SHISA5: variants seen among roughly 807,000 people sequenced by gnomAD.
The protein encoded by SHISA5 is protein shisa-5.
A neutral mutation model predicts 27.5 loss-of-function variants in SHISA5; 21 were observed. The ratio of observed to expected loss-of-function variants is 0.76; its 90% CI spans 0.54 to 1.10. The LOEUF (loss-of-function observed/expected upper bound fraction) is 1.10, where lower values mean the gene tolerates loss of function less well. Among genes scored for constraint, SHISA5 ranks in the 50% least tolerant of loss-of-function variants. SHISA5 has a pLI of 0.00. For synonymous variants in SHISA5, 137 were observed against 142.2 expected, an observed-to-expected ratio of 0.96 and a Z score of 0.26; for missense variants, 314 against 336.3, an observed-to-expected ratio of 0.93 and a Z score of 0.52.
At chr3:48,501,319 A>C (rs1575335567) in intron 1 of SHISA5, 26 bp from the exon 2 acceptor site, 1 of 1,607,568 alleles carries the variant, frequency 6.2e-7, no homozygotes, top group Non-Finnish European at 8.5e-7. Flanking sequence ...ACATCTGTTC[A>C]CCTGTGCCCA....
At chr3:48,472,250 G>T (rs2040656447) in intron 3 of SHISA5, among the ~76,000 whole-genome samples, 1 of 152,144 alleles carries the variant, frequency 6.6e-6, no homozygotes, top group Non-Finnish European at 1.5e-5. Flanking sequence ...CACTTTGGGA[G>T]GCCGAGGCAG....
intron 2 of SHISA5, among the ~76,000 whole-genome samples, chr3:48,498,532 A>G (rs1165622981): frequency 6.6e-6 from 1 of 151,860 alleles, no homozygotes; most frequent in African/African-American, 2.4e-5. Flanking sequence ...ACTAAAATAC[A>G]AAAAATTAGC....
intron 2 of SHISA5, among the ~76,000 whole-genome samples, chr3:48,484,673 C>A (rs554980331): frequency 6.6e-6 from 1 of 152,138 alleles, no homozygotes; most frequent in South Asian, 2.1e-4. Context: ...AGGCAGATCA[C>A]CTGAGGTCAG....
At chr3:48,501,859 TC>T (rs2041763567) in intron 1 of SHISA5, among the ~76,000 whole-genome samples, 1 of 137,868 alleles carries the variant, frequency 7.3e-6, no homozygotes, top group Non-Finnish European at 1.5e-5. Flanking sequence ...TCCCTTTCTT[TC>T]TTTTTTTTTT....
intron 2 of SHISA5, among the ~76,000 whole-genome samples, chr3:48,496,528 C>T (rs2041557279): frequency 6.6e-6 from 1 of 150,758 alleles, no homozygotes; most frequent in Non-Finnish European, 1.5e-5. Flanking sequence ...GTCGGGAGCT[C>T]GAGACCAGCC....
intron 1 of SHISA5, among the ~76,000 whole-genome samples, chr3:48,502,895 G>C (rs1447778253): frequency 1.3e-5 from 2 of 152,206 alleles, no homozygotes; most frequent in Non-Finnish European, 2.9e-5. Context: ...GCCTGATCAG[G>C]ACACCACACA....
intron 2 of SHISA5, among the ~76,000 whole-genome samples, chr3:48,498,548 G>A (rs1391048078): frequency 4.0e-5 from 6 of 151,856 alleles, no homozygotes; most frequent in South Asian, 2.1e-4. Context: ...TTAGCCAGGC[G>A]TGGCAGCATG....
At position 48,469,914 on chromosome 3, in the gene SHISA5, C is replaced by T; in HGVS notation, c.315-71G>A. On this transcript the variant is annotated intron_variant, in intron 3 of 5. Transcript: ENST00000296444. The surrounding 1 kb of genome is among the most constrained non-coding windows in gnomAD (Gnocchi z 4.6). ...GACCAGCATCCACACCTTCCCAAGG[C>T]ATGCCCCTCTTGCCAGAAGGGGTCT... 1 of 1,555,100 alleles carries T rather than the reference C, an allele frequency of 6.4e-7. No homozygotes were observed. The highest frequency in any genetic ancestry group is 1.2e-5 in the South Asian group (1 of 84,558).
At chr3:48,472,899 A>T in intron 3 of SHISA5, 1 of 1,104,786 alleles carries the variant, frequency 9.1e-7, no homozygotes, top group Non-Finnish European at 1.3e-6. Flanking sequence ...AGAAACGCAC[A>T]CACATTCACA....
intron 2 of SHISA5, among the ~76,000 whole-genome samples, chr3:48,489,186 C>T (rs981176182): frequency 2.0e-5 from 3 of 147,380 alleles, no homozygotes; most frequent in Non-Finnish European, 3.0e-5. Flanking sequence ...TTTCTTAAAA[C>T]ATTATGAGAT....
intron 2 of SHISA5, among the ~76,000 whole-genome samples, chr3:48,496,054 AG>A (rs2041538596): frequency 6.9e-6 from 1 of 145,446 alleles, no homozygotes; most frequent in Non-Finnish European, 1.5e-5. Context: ...TGGGAGGCCG[AG>A]GCAGGCGGAT....
At chr3:48,502,213 G>T in intron 1 of SHISA5, 1 of 348,390 alleles carries the variant, frequency 2.9e-6, no homozygotes, top group Non-Finnish European at 5.8e-6. Context: ...CTCAACCACA[G>T]CAACCTCAGC....
chr3:48,487,516 G>C (rs2041287014), intron 2 of SHISA5, among the ~76,000 whole-genome samples: 2 of 152,030 alleles, frequency 1.3e-5, no homozygotes, highest in Admixed American at 6.6e-5. Flanking sequence ...GATGCTATTG[G>C]AAACGTCTTT....
intron 3 of SHISA5, among the ~76,000 whole-genome samples, chr3:48,472,844 C>G (rs1303375868): frequency 6.6e-6 from 1 of 152,208 alleles, no homozygotes; most frequent in African/African-American, 2.4e-5. Flanking sequence ...AAAACAGGAC[C>G]AGCAGACTAC....
chr3:48,475,679 G>A (rs979939388), intron 3 of SHISA5, among the ~76,000 whole-genome samples: 1 of 152,230 alleles, frequency 6.6e-6, no homozygotes, highest in African/African-American at 2.4e-5. Context: ...CAGAGGGTCA[G>A]TGGTGGCCTC....
chr3:48,500,959 G>A (rs565852352), intron 2 of SHISA5, among the ~76,000 whole-genome samples, 178 bp downstream of exon 2: 1 of 152,242 alleles, frequency 6.6e-6, no homozygotes, highest in Admixed American at 6.5e-5. Flanking sequence ...GGGACTAACT[G>A]AGCAGGTCTA....
At position 48,471,578 on chromosome 3, in the gene SHISA5, A is replaced by AAAAACT. The variant is rs199983750; in HGVS notation, c.315-1736_315-1735insAGTTTT. 3.5e-4 allele frequency among the ~76,000 whole-genome samples: 40 copies of AAAAACT among 113,620 alleles called. 4 individuals carry two copies. Among genetic ancestry groups the AAAAACT allele is most frequent in the African/African-American group, 5.7e-4 (16 of 28,086 alleles). 74.5% of individuals were successfully genotyped at this position (113,620 alleles called of 152,430 possible). ...TCAAAAAAAAAAAAAAAAAAAAAAA[A>AAAAACT]GTCAGCCTTACATTTTGTACTGGAT... On this transcript the variant is annotated intron_variant, in intron 3 of 5. Transcript: ENST00000296444.
chr3:48,496,240 C>A (rs570929562), intron 2 of SHISA5, among the ~76,000 whole-genome samples: 2 of 147,276 alleles, frequency 1.4e-5, no homozygotes, highest in Non-Finnish European at 3.0e-5. Context: ...TGCAGTGAGC[C>A]GAGATTGTGC....
intron 3 of SHISA5, chr3:48,476,958 TG>T: frequency 2.5e-6 from 1 of 407,238 alleles, no homozygotes; most frequent in Non-Finnish European, 4.8e-6. Flanking sequence ...ATGCACACCT[TG>T]GGGAGTCAGA....
Sources: allele counts gnomAD v4.1 joint callset (sites outside exome capture counted in the v4.1 genomes callset), GRCh38; gene constraint gnomAD v4.1.1; non-coding constraint Gnocchi (gnomAD v3.1); transcripts MANE v1.5; gene names NCBI Gene and HGNC (gene_info 2026-07-23, HGNC 2026-07-21).